TBC1D10C: variants seen among roughly 807,000 people sequenced by gnomAD.
The protein encoded by TBC1D10C is TBC1 domain family member 10C.
TBC1D10C carries 49 observed loss-of-function variants against 51.0 expected under a neutral mutation model. The observed-to-expected ratio is 0.96, with a 90% CI of 0.76 to 1.22. The LOEUF is 1.22. TBC1D10C is among the 50% of genes most tolerant of loss of function. TBC1D10C has a pLI of 0.00. For synonymous variants in TBC1D10C, 281 were observed against 266.7 expected (o/e 1.05, Z -0.52); for missense variants, 541 against 617.5 (o/e 0.88, Z 1.31).
At chr11:67,405,321 C>T (rs1863104957) in intron 2 of TBC1D10C, 78 bp from the exon 3 acceptor site, 12 of 1,535,630 alleles carry the variant, frequency 7.8e-6, no homozygotes, top group Admixed American at 1.9e-5. Flanking sequence ...GGGCCCCTGC[C>T]TGCTGATGAG....
At position 67,409,939 on chromosome 11, in the gene TBC1D10C, G is replaced by T; in HGVS notation, c.*185G>T. The stretch of plus-strand genomic sequence containing the variant: ...TGGGTCAGGCACTAGCATGGAGGAG[G>T]GTCACAGAGTGGGGCACGTGAGGAC... On this transcript the variant is annotated 3_prime_UTR_variant, in exon 9 of 9. Transcript: ENST00000542590. The T allele has an allele frequency of 1.7e-6, 1 of 600,172 alleles. No individual in the cohort carries two copies. The highest frequency in any genetic ancestry group is 2.9e-6 in the Non-Finnish European group (1 of 350,160). The allele number at this position is 600,172 out of a possible 1,614,324, so 37.2% of individuals were successfully genotyped here.
chr11:67,408,632 C>T (rs867044643), intron 7 of TBC1D10C: 4 of 229,642 alleles, frequency 1.7e-5, no homozygotes, highest in South Asian at 1.7e-4. Context: ...TGCTCCTCCC[C>T]GGAGCCCACA....
chr11:67,406,563 C>A (rs1863169740), intron 5 of TBC1D10C, 64 bp from the exon 6 acceptor site: 1 of 1,434,226 alleles, frequency 7.0e-7, no homozygotes, highest in Non-Finnish European at 9.6e-7. Flanking sequence ...CCCTGTCCTG[C>A]CTTCTCCTCC....
At position 67,405,680 on chromosome 11, in the gene TBC1D10C, T is replaced by G. The variant is rs1312870899; in HGVS notation, c.446T>G (p.Phe149Cys). The change falls in exon 4 of 9, where the codon TTT (phenylalanine) becomes TGT (cysteine). Residue 149 changes from phenylalanine to cysteine, a missense_variant. Physicochemically the swap from Phe to Cys is radical, Grantham distance 205 (BLOSUM62 -2). Coordinates refer to ENST00000542590, the MANE Select transcript of TBC1D10C (RefSeq NM_001369496.1). ...CGTCAATTCCCTCTGCACGAGATGT[T>G]TGTGTCGCCTCAGGGCCACGGGTAC... ...LHRQFPLHEM[F>C]VSPQGHGQQG... The G allele has an allele frequency of 6.2e-7, 1 of 1,613,776 alleles. No individual in the cohort carries two copies. The highest frequency in any genetic ancestry group is 8.5e-7 in the Non-Finnish European group (1 of 1,180,006).
At chr11:67,407,859 G>A (rs1393267402) in intron 7 of TBC1D10C, 2 of 152,336 alleles carry the variant, frequency 1.3e-5, no homozygotes, top group African/African-American at 4.8e-5. Flanking sequence ...CATACTGAAT[G>A]CCTGTCGTGT....
intron 2 of TBC1D10C, 86 bp downstream of exon 2, chr11:67,405,270 T>A (rs1863102041): frequency 2.0e-6 from 3 of 1,501,706 alleles, no homozygotes; most frequent in Non-Finnish European, 2.7e-6. Context: ...ACCCACCCTG[T>A]GTCCCAGCAC....
At position 67,409,445 on chromosome 11, in the gene TBC1D10C, G is replaced by T. The variant is rs777677647; in HGVS notation, c.1032G>T (p.Arg344=). 3 of 1,549,274 alleles carry T rather than the reference G, an allele frequency of 1.9e-6. No individual in the cohort carries two copies. Among genetic ancestry groups the T allele is most frequent in the Non-Finnish European group, 1.7e-6 (2 of 1,146,638 alleles). ...SVVLSERDLQ[R]EIKAQLAQLP... The stretch of plus-strand genomic sequence containing the variant: ...TGCTGTCAGAGCGGGACCTGCAGCG[G>T]GAGATCAAGGCCCAGCTGGCCCAGC... The change falls in exon 9 of 9, where the codon CGG becomes CGT. Residue 344 remains arginine (R), a synonymous_variant. Coordinates refer to ENST00000542590, the MANE Select transcript of TBC1D10C (RefSeq NM_001369496.1).
intron 2 of TBC1D10C, 45 bp from the exon 3 acceptor site, chr11:67,405,354 G>A: frequency 1.9e-6 from 3 of 1,592,546 alleles, no homozygotes; most frequent in South Asian, 2.2e-5. Flanking sequence ...CCTGCCAGCA[G>A]GAGCTATGGA....
At chr11:67,405,295 C>T in intron 2 of TBC1D10C, 104 bp from the exon 3 acceptor site, 1 of 1,498,882 alleles carries the variant, frequency 6.7e-7, no homozygotes, top group Non-Finnish European at 9.1e-7. Context: ...GGCCTTTGCT[C>T]CCTGCCACCC....
At chr11:67,407,819 G>A (rs1863251143) in intron 7 of TBC1D10C, 1 of 152,298 alleles carries the variant, frequency 6.6e-6, no homozygotes, top group African/African-American at 2.4e-5. Context: ...TTAAAACGTG[G>A]TAGAAATCAG....
chr11:67,404,951 AC>A (rs1012627237), intron 1 of TBC1D10C, 133 bp from the exon 2 acceptor site: 1 of 748,786 alleles, frequency 1.3e-6, no homozygotes, highest in Non-Finnish European at 2.1e-6. Context: ...CTCCTGGGTC[AC>A]AGGTCACCCC....
intron 1 of TBC1D10C, 72 bp from the exon 2 acceptor site, chr11:67,405,013 C>A (rs1246569648): frequency 7.1e-7 from 1 of 1,409,694 alleles, no homozygotes; most frequent in Non-Finnish European, 9.7e-7. Context: ...ACCTGGGTAG[C>A]CTGGAGGGTG....
At chr11:67,404,917 T>C in intron 1 of TBC1D10C, 168 bp from the exon 2 acceptor site, 1 of 613,068 alleles carries the variant, frequency 1.6e-6, no homozygotes, top group East Asian at 2.8e-5. Flanking sequence ...CATCCTTTCC[T>C]GTCCCCGTGA....
In TBC1D10C at chr11:67,405,079, C is replaced by G. The variant is rs985086818; in HGVS notation, c.153-6C>G. 12 of 1,549,774 alleles carry G rather than the reference C, an allele frequency of 7.7e-6. No individual in the cohort carries two copies. Among genetic ancestry groups the G allele is most frequent in the Non-Finnish European group, 1.0e-5 (12 of 1,146,338 alleles). ...GCGTCTGGATACCTGTGCCATGCAC[C>G]CCCAGGCCGGGCCACCCACCTGCAG... On this transcript the variant is annotated splice_region_variant and splice_polypyrimidine_tract_variant and intron_variant, in intron 1 of 8. Transcript: ENST00000542590.
rs757537408 is a variant in TBC1D10C at position 67,404,171 on chromosome 11, C to A, written c.-32C>A. 4.8e-6 allele frequency: 7 copies of A among 1,472,490 alleles called. No individual in the cohort carries two copies. The highest frequency in any genetic ancestry group is 3.6e-6 in the Non-Finnish European group (4 of 1,108,874). 91.2% of individuals were successfully genotyped at this position (1,472,490 alleles called of 1,614,324 possible). On this transcript the variant is annotated 5_prime_UTR_variant, in exon 1 of 9. Transcript: ENST00000542590. ...CCCTCACACTGGTTCTCCCCACTTT[C>A]TCTGCCTGTGGCATCGAAGGCCCCG... is the stretch of plus-strand genomic sequence containing the variant.
At chr11:67,407,230 T>C (rs1417167774) in intron 7 of TBC1D10C, 2 of 596,964 alleles carry the variant, frequency 3.4e-6, no homozygotes, top group Non-Finnish European at 5.8e-6. Context: ...AGGAGGCAGA[T>C]GGGGCAGGAG....
At position 67,409,501 on chromosome 11, in the gene TBC1D10C, G is replaced by T. The variant is rs149140675; in HGVS notation, c.1088G>T (p.Arg363Leu). ...LPDSAPGPPPRPQVRLAGAQA... is the reference protein window; with the variant it reads ...LPDSAPGPPPLPQVRLAGAQA... ...GATTCCGCGCCGGGACCCCCGCCCC[G>T]GCCACAGGTCCGCCTCGCCGGGGCC... The change falls in exon 9 of 9, where the codon CGG (arginine) becomes CTG (leucine). Residue 363 changes from arginine to leucine, a missense_variant. By Grantham distance (102) the Arg-to-Leu change is moderately radical. Transcript: ENST00000542590. 4 of 1,548,352 alleles carry T rather than the reference G, an allele frequency of 2.6e-6. No individual in the cohort carries two copies. The highest frequency in any genetic ancestry group is 3.5e-6 in the Non-Finnish European group (4 of 1,146,312).
At chr11:67,407,310 G>A (rs190310367) in intron 7 of TBC1D10C, 9 of 372,386 alleles carry the variant, frequency 2.4e-5, no homozygotes, top group South Asian at 6.3e-5. Context: ...CCCAGAGCCC[G>A]CAGGCACCTG....
rs138664081 is a variant in TBC1D10C at position 67,405,198 on chromosome 11, G to A, written c.252+14G>A. ...CGGTACAAGAAGGTGAGGGGGGCAG[G>A]GGCCCCACTTGGCTTCCATGGCTCA... On this transcript the variant is annotated intron_variant, in intron 2 of 8. Coordinates refer to ENST00000542590, the MANE Select transcript of TBC1D10C (RefSeq NM_001369496.1). 1,857 of 1,550,574 alleles carry A rather than the reference G, an allele frequency of 1.2e-3. 1 individual carries two copies. The highest frequency in any genetic ancestry group is 1.5e-3 in the Non-Finnish European group (1,688 of 1,146,538).
Sources: allele counts gnomAD v4.1 joint callset, GRCh38; gene constraint gnomAD v4.1.1; transcripts MANE v1.5; gene names NCBI Gene and HGNC (gene_info 2026-07-23, HGNC 2026-07-21).